The following PIAS2 variants were observed in gnomAD, a reference collection of about 807,000 sequenced individuals.
PIAS2 encodes the protein E3 SUMO-protein ligase PIAS2.
Under a neutral mutation model 69.7 loss-of-function variants are expected in PIAS2, and 19 were observed. The observed-to-expected ratio is 0.27, with a 90% CI of 0.19 to 0.40. The LOEUF is 0.40. Among genes scored for constraint, PIAS2 ranks in the 10% least tolerant of loss-of-function variants. PIAS2 has a pLI of 1.00. For synonymous variants in PIAS2, 261 were observed against 263.2 expected (o/e 0.99, Z 0.08); for missense variants, 624 against 757.0 (o/e 0.82, Z 2.06).
intron 2 of PIAS2, among the ~76,000 whole-genome samples, chr18:46,888,744 T>A (rs1301405655): frequency 6.6e-6 from 1 of 152,114 alleles, no homozygotes; most frequent in African/African-American, 2.4e-5. Flanking sequence ...CCTGCACCTA[T>A]GAGAATCTAA....
At chr18:46,830,074 G>A (rs538011248) in intron 9 of PIAS2, among the ~76,000 whole-genome samples, 1 of 152,260 alleles carries the variant, frequency 6.6e-6, no homozygotes, top group South Asian at 2.1e-4. Flanking sequence ...TAATAGTTAA[G>A]TAACTTACTG....
At chr18:46,849,591 T>C (rs945196327) in intron 5 of PIAS2, among the ~76,000 whole-genome samples, 31 of 152,310 alleles carry the variant, frequency 2.0e-4, no homozygotes, top group Non-Finnish European at 4.0e-4. Context: ...TTATGTTTCA[T>C]GCTCTGATGA....
At chr18:46,869,028 G>A (rs988727871) in intron 2 of PIAS2, among the ~76,000 whole-genome samples, 1 of 152,218 alleles carries the variant, frequency 6.6e-6, no homozygotes, top group African/African-American at 2.4e-5. Context: ...TATTTCCTTG[G>A]TGGTTGGGAC....
intron 1 of PIAS2, chr18:46,905,869 A>G (rs188959515): frequency 1.1e-4 from 16 of 152,296 alleles, no homozygotes; most frequent in Non-Finnish European, 2.1e-4. Flanking sequence ...CTAATGTTAC[A>G]TAAACTCTTC....
rs1340232238 is a variant in PIAS2, at chr18:46,844,962, T to C, written c.862-123A>G. On this transcript the variant is annotated intron_variant, in intron 6 of 13. Coordinates refer to ENST00000585916, the MANE Select transcript of PIAS2 (RefSeq NM_004671.5). Reference sequence around the variant, plus strand: ...AACATTCAAAATAACTTCCATGGAATGGTCAATCACTGCGAAGGGGACAAA... The same window carrying C: ...AACATTCAAAATAACTTCCATGGAACGGTCAATCACTGCGAAGGGGACAAA... 8.9e-6 allele frequency: 4 copies of C among 450,770 alleles called. No homozygotes were observed. In the Admixed American group the frequency reaches 1.7e-4, roughly 20 times the overall value. The allele number at this position is 450,770 out of a possible 1,614,324, so 27.9% of individuals were successfully genotyped here. A position where few individuals can be genotyped will look rare whatever the true frequency, so the allele number is the denominator to read the frequency against.
At chr18:46,873,284 C>T (rs1445358124) in intron 2 of PIAS2, among the ~76,000 whole-genome samples, 2 of 152,342 alleles carry the variant, frequency 1.3e-5, no homozygotes, top group Admixed American at 6.5e-5. Context: ...ATTCACTTAA[C>T]CCAGCAGGTT....
intron 1 of PIAS2, chr18:46,915,021 A>T (rs534402910): frequency 6.6e-6 from 1 of 152,180 alleles, no homozygotes; most frequent in African/African-American, 2.4e-5. Flanking sequence ...GTTACCAATC[A>T]TTTAATTTAG....
rs936313106 is a variant in PIAS2 at position 46,828,195 on chromosome 18, G to C, written c.1337-65C>G. ...ATAACACAAATAAACTCTAGTGGTA[G>C]AGTCTAGTATATTCAGTATAGTATG... On this transcript the variant is annotated intron_variant, in intron 10 of 13. Coordinates refer to ENST00000585916, the MANE Select transcript of PIAS2 (RefSeq NM_004671.5). 5 of 1,390,366 alleles carry C rather than the reference G, an allele frequency of 3.6e-6. No homozygotes were observed. In the South Asian group the frequency reaches 5.7e-5, roughly 16 times the overall value. The allele number at this position is 1,390,366 out of a possible 1,614,324, so 86.1% of individuals were successfully genotyped here. A position where few individuals can be genotyped will look rare whatever the true frequency, so the allele number is the denominator to read the frequency against.
At chr18:46,868,635 C>T (rs2049860452) in intron 2 of PIAS2, among the ~76,000 whole-genome samples, 1 of 152,216 alleles carries the variant, frequency 6.6e-6, no homozygotes, top group South Asian at 2.1e-4. Context: ...CCCTTCCCCT[C>T]CTTTGTTTGG....
chr18:46,912,168 G>C (rs1176688745), intron 1 of PIAS2, among the ~76,000 whole-genome samples: 1 of 152,188 alleles, frequency 6.6e-6, no homozygotes, highest in Non-Finnish European at 1.5e-5. Flanking sequence ...TTTTCTGAAA[G>C]ACCAGGAAGT....
Position 46,859,573 on chromosome 18 carries a change from A to AGT in PIAS2, c.585-3959_585-3958insAC, listed in dbSNP as rs2048361643. On this transcript the variant is annotated intron_variant, in intron 3 of 13. Transcript: ENST00000585916. ...GGAAACGAGTAATGCAGAAGGAAAT[A>AGT]TACTAAGCAAAAATCTCCTTGAGGC... Among the ~76,000 whole-genome samples the AGT allele has an allele frequency of 3.9e-5, 6 of 152,348 alleles. No individual in the cohort carries two copies. In the South Asian group the frequency reaches 1.2e-3, roughly 32 times the overall value.
rs1161117105 is a variant in PIAS2 at position 46,855,415 on chromosome 18, C to T, written c.656G>A (p.Ser219Asn). The change falls in exon 5 of 14, where the codon AGT (serine) becomes AAT (asparagine). Residue 219 changes from serine (S) to asparagine (N), a missense_variant. Transcript: ENST00000585916. The stretch of plus-strand genomic sequence containing the variant: ...TGGATAGTTATCTTCTTGAGGGCAA[C>T]TTGTCTCTGCCAGGCAAAGTCTGCA... ...VQLRLCLAET[S>N]CPQEDNYPNS... 1.2e-6 allele frequency: 2 copies of T among 1,612,554 alleles called. No individual in the cohort carries two copies. Among genetic ancestry groups the T allele is most frequent in the East Asian group, 2.2e-5 (1 of 44,856 alleles).
chr18:46,821,772 C>T (rs534527024), intron 11 of PIAS2, among the ~76,000 whole-genome samples: 3 of 152,128 alleles, frequency 2.0e-5, no homozygotes, highest in South Asian at 2.1e-4. Flanking sequence ...ACCAAAAATA[C>T]AAATTAAACA....
rs186218047 is a variant in PIAS2 at position 46,880,386 on chromosome 18, A to C, written c.499+10194T>G. 3.4e-3 allele frequency among the ~76,000 whole-genome samples: 515 copies of C among 152,206 alleles called. 1 individual carries two copies. The highest frequency in any genetic ancestry group is 0.01 in the Middle Eastern group (3 of 294). On this transcript the variant is annotated intron_variant, in intron 2 of 13. Coordinates refer to ENST00000585916, the MANE Select transcript of PIAS2 (RefSeq NM_004671.5). ...TGAGAGACAGAGAGACCCTGTCTCA[A>C]AAAAAACAAAACAAAACAAAACAAC...
In PIAS2 at chr18:46,811,025, C is replaced by G. The variant is rs931473535; in HGVS notation, c.*1408G>C. The G allele has an allele frequency of 6.6e-6, 1 of 152,076 alleles. No homozygotes were observed. The highest frequency in any genetic ancestry group is 2.4e-5 in the African/African-American group (1 of 41,414). The allele number at this position is 152,076 out of a possible 1,614,324, so 9.4% of individuals were successfully genotyped here. Reference sequence around the variant, plus strand: ...TAAAAAACTGGATGAAAATGTTTCTCTAAGAGTAAAACCCAGTTTTCTCTG... The same window carrying G: ...TAAAAAACTGGATGAAAATGTTTCTGTAAGAGTAAAACCCAGTTTTCTCTG... On this transcript the variant is annotated 3_prime_UTR_variant, in exon 14 of 14. Coordinates refer to ENST00000585916, the MANE Select transcript of PIAS2 (RefSeq NM_004671.5).
At chr18:46,828,381 T>C (rs2043116260) in intron 10 of PIAS2, among the ~76,000 whole-genome samples, 1 of 152,150 alleles carries the variant, frequency 6.6e-6, no homozygotes, top group South Asian at 2.1e-4. Flanking sequence ...AGACAGAATG[T>C]TCTTAGTTAT....
intron 3 of PIAS2, among the ~76,000 whole-genome samples, chr18:46,863,543 C>T (rs1389189064): frequency 6.6e-6 from 1 of 151,918 alleles, no homozygotes; most frequent in Non-Finnish European, 1.5e-5. Context: ...AGTGATACTG[C>T]CACCTCCCAA....
chr18:46,857,659 C>T (rs1689840389), intron 3 of PIAS2, among the ~76,000 whole-genome samples: 1 of 152,108 alleles, frequency 6.6e-6, no homozygotes, highest in African/African-American at 2.4e-5. Flanking sequence ...TGGATGGGGG[C>T]ATAAAGGGTT....
chr18:46,818,236 C>T, intron 12 of PIAS2: 1 of 1,230,908 alleles, frequency 8.1e-7, no homozygotes, highest in Non-Finnish European at 1.0e-6. Flanking sequence ...ATGTTTAGCA[C>T]TTTCAAATTT....
Sources: gnomAD v4.1 joint callset for allele counts (sites outside exome capture counted in the v4.1 genomes callset) on GRCh38, gnomAD v4.1.1 for gene constraint, MANE v1.5 for transcripts, NCBI Gene and HGNC (gene_info 2026-07-23, HGNC 2026-07-21) for gene names.